The following TNRC6A variants were observed in gnomAD, a reference collection of about 807,000 sequenced individuals.
TNRC6A encodes the protein trinucleotide repeat containing adaptor 6A, also known as trinucleotide repeat-containing gene 6A protein.
TNRC6A carries 44 observed loss-of-function variants against 221.2 expected under a neutral mutation model. The observed-to-expected ratio is 0.20, with a 90% CI of 0.16 to 0.26. TNRC6A has a LOEUF of 0.26. TNRC6A is among the 10% of genes least tolerant of loss of function. The pLI, the probability that TNRC6A is intolerant of heterozygous loss-of-function variation, is 1.00. For synonymous variants in TNRC6A, 847 were observed against 838.5 expected (o/e 1.01, Z -0.18); for missense variants, 2,199 against 2,404.4 (o/e 0.91, Z 1.79).
At chr16:24,642,744 C>T (rs962708581) in intron 2 of TNRC6A, among the ~76,000 whole-genome samples, 4 of 152,070 alleles carry the variant, frequency 2.6e-5, no homozygotes, top group Non-Finnish European at 5.9e-5. Context: ...CTCTTGAACC[C>T]GGAAGGTGGA....
At chr16:24,729,913 CGCG>C in intron 1 of TNRC6A, 67 bp downstream of exon 1, 2 of 1,158,480 alleles carry the variant, frequency 1.7e-6, no homozygotes, top group Non-Finnish European at 1.1e-6. Flanking sequence ...GCCCGCAACC[CGCG>C]GCGGCGGCAG....
chr16:24,814,574 C>G (rs943385224), intron 18 of TNRC6A, among the ~76,000 whole-genome samples: 7 of 151,744 alleles, frequency 4.6e-5, no homozygotes, highest in African/African-American at 1.5e-4. Flanking sequence ...GCCACCATGC[C>G]CAGCTAATTT....
chr16:24,790,107 A>C lies in TNRC6A; in HGVS notation c.1465A>C (p.Asn489His). ...AGGGGCCTGGCGTGTGAGCACAATG[A>C]ATCATCCTCAGATGCAGGCTCCATC... ...NTGAWRVSTMNHPQMQAPSGM... is the reference protein window; with the variant it reads ...NTGAWRVSTMHHPQMQAPSGM... The change falls in exon 6 of 25, where the codon AAT (asparagine) becomes CAT (histidine). Residue 489 changes from asparagine to histidine, a missense_variant. By Grantham distance (68) the Asn-to-His change is moderately conservative. Coordinates refer to ENST00000395799, the MANE Select transcript of TNRC6A (RefSeq NM_014494.4). 1 of 1,614,186 alleles carries C rather than the reference A, an allele frequency of 6.2e-7. No homozygotes were observed. The highest frequency in any genetic ancestry group is 8.5e-7 in the Non-Finnish European group (1 of 1,180,026).
At chr16:24,655,701 A>C (rs532492177) in intron 2 of TNRC6A, among the ~76,000 whole-genome samples, 12 of 151,934 alleles carry the variant, frequency 7.9e-5, no homozygotes, top group Admixed American at 2.0e-4. Context: ...AAAAAAAAAG[A>C]GTATTTCGGT....
In TNRC6A at chr16:24,784,775, CTT is replaced by C. The variant is rs573501511; in HGVS notation, c.590-4456_590-4455del. ...AGTTAATAATATTTTAAAAGACAAA[CTT>C]AGCCACCAAACCGGGTCATGACCAG... On this transcript the variant is annotated intron_variant, in intron 5 of 24. Transcript: ENST00000395799. Among the ~76,000 whole-genome samples, 377 of 152,264 alleles carry C rather than the reference CTT, an allele frequency of 2.5e-3. 2 individuals are homozygous for C. The highest frequency in any genetic ancestry group is 7.4e-3 in the African/African-American group (308 of 41,546).
Position 24,824,291 on chromosome 16 carries a change from T to G in TNRC6A, c.*484T>G, listed in dbSNP as rs2058831768. On this transcript the variant is annotated 3_prime_UTR_variant, in exon 25 of 25. Coordinates refer to ENST00000395799, the MANE Select transcript of TNRC6A (RefSeq NM_014494.4). ...TACTCAAGGGTGTTCTTAGGAGGCG[T>G]GCGCTCTCTACTATGCCTTGATGTT... The G allele has an allele frequency of 6.5e-6, 1 of 152,680 alleles. No homozygotes were observed. Among genetic ancestry groups the G allele is most frequent in the African/African-American group, 2.4e-5 (1 of 41,432 alleles). 9.5% of individuals were successfully genotyped at this position (152,680 alleles called of 1,614,324 possible).
rs2058851770 is a variant in TNRC6A at position 24,825,910 on chromosome 16, A to G, written c.*2103A>G. 1 of 152,686 alleles carries G rather than the reference A, an allele frequency of 6.5e-6. No individual in the cohort carries two copies. Among genetic ancestry groups the G allele is most frequent in the Non-Finnish European group, 1.5e-5 (1 of 68,060 alleles). 9.5% of individuals were successfully genotyped at this position (152,686 alleles called of 1,614,324 possible). A position where few individuals can be genotyped will look rare whatever the true frequency, so the allele number is the denominator to read the frequency against. ...AGGAGCTCGGGGGCGAAACCTGTGT[A>G]TGGATTTCAGTGTATGACTTCAGAT... On this transcript the variant is annotated 3_prime_UTR_variant, in exon 25 of 25. Coordinates refer to ENST00000395799, the MANE Select transcript of TNRC6A (RefSeq NM_014494.4).
chr16:24,785,792 T>C (rs185988172), intron 5 of TNRC6A, among the ~76,000 whole-genome samples: 6 of 152,326 alleles, frequency 3.9e-5, no homozygotes, highest in Admixed American at 1.3e-4. Flanking sequence ...CTTGTGAAAG[T>C]GGCCACACAC....
At chr16:24,666,985 A>C (rs1324669392) in intron 2 of TNRC6A, among the ~76,000 whole-genome samples, 1 of 151,912 alleles carries the variant, frequency 6.6e-6, no homozygotes, top group African/African-American at 2.4e-5. Flanking sequence ...GCGCAGTGGC[A>C]CGTGCCTGTA....
intron 2 of TNRC6A, among the ~76,000 whole-genome samples, chr16:24,694,092 G>A (rs2055809103): frequency 6.6e-6 from 1 of 152,164 alleles, no homozygotes; most frequent in South Asian, 2.1e-4. Context: ...GCCAAGGGGA[G>A]CAGAAGAGTC....
At chr16:24,761,571 T>C (rs2057364514) in intron 4 of TNRC6A, among the ~76,000 whole-genome samples, 1 of 152,174 alleles carries the variant, frequency 6.6e-6, no homozygotes, top group Admixed American at 6.5e-5. Context: ...TTTCTTTTTT[T>C]TTAAGGAGAC....
At chr16:24,765,696 A>G (rs1347838859) in intron 4 of TNRC6A, among the ~76,000 whole-genome samples, 2 of 152,224 alleles carry the variant, frequency 1.3e-5, no homozygotes, top group Non-Finnish European at 2.9e-5. Context: ...CTATGTAACA[A>G]ATAAGATTTG....
chr16:24,646,456 G>A (rs940085139), intron 2 of TNRC6A, among the ~76,000 whole-genome samples: 1 of 152,270 alleles, frequency 6.6e-6, no homozygotes, highest in Middle Eastern at 3.4e-3. Context: ...TTTAACAACT[G>A]TACCCATGAC....
intron 5 of TNRC6A, among the ~76,000 whole-genome samples, chr16:24,781,043 C>CTTTTTTTTTTTTTTTTTTTT (rs35502747): frequency 5.6e-5 from 3 of 53,426 alleles, no homozygotes; most frequent in Admixed American, 3.3e-4. Context: ...CCTCCATACT[C>CTTTTTTTTTTTTTTTTTTTT]TTTTTTTTTT....
At chr16:24,689,989 TAAAAAA>T (rs60944175) in intron 2 of TNRC6A, among the ~76,000 whole-genome samples, 74 of 97,482 alleles carry the variant, frequency 7.6e-4, no homozygotes, top group African/African-American at 2.4e-3. Flanking sequence ...AGGCTTAAAG[TAAAAAA>T]AAAAAAAAAA....
chr16:24,799,632 T>G lies in TNRC6A; in HGVS notation c.3694+1666T>G, dbSNP rs895223967. Among the ~76,000 whole-genome samples the G allele has an allele frequency of 2.0e-5, 3 of 152,314 alleles. No homozygotes were observed. The East Asian group carries it at 5.8e-4, about 29-fold the overall frequency. On this transcript the variant is annotated intron_variant, in intron 11 of 24. Transcript: ENST00000395799. ...AAAAAAATGCTTGGCCTATACAAATTAACACATCCATATGAGAAACAATAG... is the reference window on the plus strand; with the variant it reads ...AAAAAAATGCTTGGCCTATACAAATGAACACATCCATATGAGAAACAATAG...
intron 2 of TNRC6A, among the ~76,000 whole-genome samples, chr16:24,709,299 A>G (rs2056159016): frequency 6.6e-6 from 1 of 151,554 alleles, no homozygotes; most frequent in African/African-American, 2.4e-5. Flanking sequence ...TCATATAATG[A>G]CTTCTTTTCC....
At chr16:24,719,137 T>C (rs1011028656) in intron 2 of TNRC6A, among the ~76,000 whole-genome samples, 9 of 152,098 alleles carry the variant, frequency 5.9e-5, no homozygotes, top group Non-Finnish European at 1.2e-4. Flanking sequence ...TAATATGTAC[T>C]AGGCATTGTG....
intron 2 of TNRC6A, among the ~76,000 whole-genome samples, chr16:24,660,995 C>T (rs1430402417): frequency 3.9e-5 from 6 of 152,106 alleles, no homozygotes. Flanking sequence ...CCCATCTCGG[C>T]CTCCCAAAGT....
Sources: gnomAD v4.1 joint callset for allele counts (sites outside exome capture counted in the v4.1 genomes callset) on GRCh38, gnomAD v4.1.1 for gene constraint, MANE v1.5 for transcripts, NCBI Gene and HGNC (gene_info 2026-07-23, HGNC 2026-07-21) for gene names.